CD96: variants seen among roughly 807,000 people sequenced by gnomAD.
The protein encoded by CD96 is CD96 molecule.
Under a neutral mutation model 71.3 loss-of-function variants are expected in CD96, and 70 were observed. The observed-to-expected ratio is 0.98, with a 90% CI of 0.81 to 1.20. CD96 has a LOEUF of 1.20. CD96 is among the 50% of genes most tolerant of loss of function. The probability of loss-of-function intolerance (pLI) is 0.00; values close to 1 mark genes in which losing one functional copy is unlikely to be tolerated. For missense variants in CD96, 742 were observed against 677.5 expected, an observed-to-expected ratio of 1.10 and a Z score of -1.06; for synonymous variants, 248 against 233.0, an observed-to-expected ratio of 1.06 and a Z score of -0.59.
At chr3:111,657,926 G>A (rs753516080) in intron 14 of CD96, among the ~76,000 whole-genome samples, 2 of 152,180 alleles carry the variant, frequency 1.3e-5, no homozygotes, top group Non-Finnish European at 1.5e-5. Flanking sequence ...GCTTGAGCAT[G>A]CATATGTGTT....
intron 5 of CD96, among the ~76,000 whole-genome samples, chr3:111,586,745 G>A (rs1936731928): frequency 6.6e-6 from 1 of 152,078 alleles, no homozygotes; most frequent in Non-Finnish European, 1.5e-5. Context: ...CATGATAACA[G>A]CACAGGAAAG....
intron 11 of CD96, 119 bp downstream of exon 11, chr3:111,637,380 T>C: frequency 1.4e-6 from 1 of 720,332 alleles, no homozygotes; most frequent in South Asian, 1.5e-5. Flanking sequence ...AAAGTACATC[T>C]TGATGATGAA....
chr3:111,622,474 G>T (rs1559761981), intron 8 of CD96, among the ~76,000 whole-genome samples: 1 of 152,116 alleles, frequency 6.6e-6, no homozygotes, highest in African/African-American at 2.4e-5. Flanking sequence ...TTCATTGATA[G>T]GCTGCATTGC....
rs765701422 is a variant in CD96, at chr3:111,649,741, A to G, written c.1645A>G (p.Lys549Glu). ...TTTCAAGCCACCACCACCTCCCATC[A>G]AGTACACTTGCATTCAAGAGCCCAA... ...PPFKPPPPPI[K>E]YTCIQEPNES... Residue 549 changes from lysine (K) to glutamate (E), a missense_variant, in exon 14 of 14, where the codon AAG becomes GAG. Lys to Glu is a moderately conservative substitution (Grantham distance 56, BLOSUM62 1). Coordinates refer to ENST00000352690, the MANE Select transcript of CD96 (RefSeq NM_005816.5). 1.2e-6 allele frequency: 2 copies of G among 1,614,076 alleles called. No individual in the cohort carries two copies. The highest frequency in any genetic ancestry group is 2.2e-5 in the East Asian group (1 of 44,884).
chr3:111,624,978 C>A (rs556128889), intron 10 of CD96, among the ~76,000 whole-genome samples: 1 of 152,136 alleles, frequency 6.6e-6, no homozygotes, highest in Non-Finnish European at 1.5e-5. Flanking sequence ...TATTAGACAA[C>A]GATCAGTGTG....
chr3:111,636,955 T>C (rs1411740385), intron 10 of CD96, among the ~76,000 whole-genome samples: 1 of 152,150 alleles, frequency 6.6e-6, no homozygotes, highest in Non-Finnish European at 1.5e-5. Context: ...TTTCCATATC[T>C]TTTCCTGCTT....
At chr3:111,665,804 CAT>C (rs1400334062), downstream of CD96, 4 of 152,242 alleles carry the variant, frequency 2.6e-5, no homozygotes, top group East Asian at 7.7e-4. Flanking sequence ...AGATCCCACA[CAT>C]GTGGCAGAAC....
chr3:111,657,414 C>CA lies in CD96; in HGVS notation c.*52+7569dup, dbSNP rs71299335. The stretch of plus-strand genomic sequence containing the variant: ...TGGGCAACAGAGTAAGACTCCATTT[C>CA]AAAAAAAAAAAAACCTAATTCAAGT... On this transcript the variant is annotated intron_variant and NMD_transcript_variant, in intron 14 of 14. Transcript: ENST00000494798. Among the ~76,000 whole-genome samples the CA allele has an allele frequency of 5.9e-3, 678 of 114,588 alleles. 3 individuals carry two copies. The highest frequency in any genetic ancestry group is 0.02 in the South Asian group (66 of 3,336). The allele number at this position is 114,588 out of a possible 152,430, so 75.2% of individuals were successfully genotyped here.
Position 111,545,280 on chromosome 3 carries a change from C to T in CD96, c.296C>T (p.Ser99Leu). 6.2e-7 allele frequency: 1 copy of T among 1,613,948 alleles called. No individual in the cohort carries two copies. The highest frequency in any genetic ancestry group is 8.5e-7 in the Non-Finnish European group (1 of 1,179,848). Residue 99 changes from serine to leucine, a missense_variant, in exon 2 of 14, where the codon TCA becomes TTA. By Grantham distance (145) the Ser-to-Leu change is moderately radical. Transcript: ENST00000352690. ...TTCACAGAAACTCCTGAGAATGGGTCAAAATGGACTCTGCACTTAAGGAAT... is the reference window on the plus strand; with the variant it reads ...TTCACAGAAACTCCTGAGAATGGGTTAAAATGGACTCTGCACTTAAGGAAT... ...VTFTETPENG[S>L]KWTLHLRNMS...
Position 111,579,092 on chromosome 3 carries a change from T to G in CD96, c.609T>G (p.Leu203=). ...QNHLISNSTL[L]KDRVKLGTDY... is the part of the protein sequence containing the mutation. ...ACCTCATCAGCAATTCCACATTACTTAAAGATAGAGTCAAGCTTGGTACAG... is the reference window on the plus strand; with the variant it reads ...ACCTCATCAGCAATTCCACATTACTGAAAGATAGAGTCAAGCTTGGTACAG... The change falls in exon 4 of 14, where the codon CTT becomes CTG. Residue 203 remains leucine, a synonymous_variant. Coordinates refer to ENST00000352690, the MANE Select transcript of CD96 (RefSeq NM_005816.5). 6.2e-7 allele frequency: 1 copy of G among 1,607,670 alleles called. No homozygotes were observed. Among genetic ancestry groups the G allele is most frequent in the Non-Finnish European group, 8.5e-7 (1 of 1,174,064 alleles).
At chr3:111,546,619 A>T (rs1170350795) in intron 2 of CD96, among the ~76,000 whole-genome samples, 2 of 152,176 alleles carry the variant, frequency 1.3e-5, no homozygotes, top group Admixed American at 6.6e-5. Context: ...GAAAGCCAAC[A>T]GATGCAAAAT....
At chr3:111,554,265 G>T (rs2107495179) in intron 2 of CD96, among the ~76,000 whole-genome samples, 1 of 151,862 alleles carries the variant, frequency 6.6e-6, no homozygotes, top group Non-Finnish European at 1.5e-5. Flanking sequence ...CTATCTCTAT[G>T]ATGTCCAATA....
In CD96 at chr3:111,593,804, G is replaced by A. The variant is rs572518575; in HGVS notation, c.808-4316G>A. The stretch of plus-strand genomic sequence containing the variant: ...CCTACCCCAGTTACCCTCAATGCCT[G>A]TGGGGAGCTGGGGCCCGTGGGGCCT... On this transcript the variant is annotated intron_variant, in intron 5 of 13. Transcript: ENST00000352690. The A allele has an allele frequency of 3.7e-6, 6 of 1,614,198 alleles. No homozygotes were observed. In the Admixed American group the frequency reaches 5.0e-5, roughly 13 times the overall value.
intron 7 of CD96, among the ~76,000 whole-genome samples, chr3:111,604,347 G>A (rs1473908672): frequency 6.6e-6 from 1 of 152,126 alleles, no homozygotes; most frequent in Admixed American, 6.5e-5. Context: ...TCTGGAAACT[G>A]GCAGAGGTGT....
intron 2 of CD96, among the ~76,000 whole-genome samples, chr3:111,549,175 C>T (rs1201574792): frequency 2.0e-5 from 3 of 152,004 alleles, no homozygotes; most frequent in Admixed American, 1.3e-4. Flanking sequence ...TTCCCCTCCC[C>T]TCCCCTCTCC....
At chr3:111,594,461 C>T in intron 5 of CD96, 1 of 411,488 alleles carries the variant, frequency 2.4e-6, no homozygotes, top group Non-Finnish European at 4.5e-6. Flanking sequence ...CTTATCCTCC[C>T]TTGACTAGGC....
chr3:111,623,763 C>A lies in CD96; in HGVS notation c.1190C>A (p.Ala397Asp). The A allele has an allele frequency of 6.2e-7, 1 of 1,605,606 alleles. No individual in the cohort carries two copies. The highest frequency in any genetic ancestry group is 8.5e-7 in the Non-Finnish European group (1 of 1,172,250). The change falls in exon 9 of 14, where the codon GCT becomes GAT. Residue 397 changes from alanine (A) to aspartate (D), a missense_variant. Coordinates refer to ENST00000352690, the MANE Select transcript of CD96 (RefSeq NM_005816.5). ...ASSVSPARYP[A>D]TSSVTLVDVS... ...TTTATTTTCAAAATAGGATATCCAG[C>A]TACATCTTCAGTGACCCTTGTAGAT...
At chr3:111,638,557 C>A (rs1482080762) in intron 12 of CD96, among the ~76,000 whole-genome samples, 2 of 152,160 alleles carry the variant, frequency 1.3e-5, no homozygotes, top group African/African-American at 4.8e-5. Context: ...AGAAAGAAAT[C>A]ATTGGAACAA....
downstream of CD96, among the ~76,000 whole-genome samples, chr3:111,654,144 G>A (rs960917818): frequency 1.4e-4 from 22 of 152,138 alleles, no homozygotes; most frequent in Admixed American, 9.2e-4. Context: ...TCTCTGAGAC[G>A]AGGGCTGAAA....
Sources: gnomAD v4.1 joint callset for allele counts (sites outside exome capture counted in the v4.1 genomes callset) on GRCh38, gnomAD v4.1.1 for gene constraint, MANE v1.5 for transcripts, NCBI Gene and HGNC (gene_info 2026-07-23, HGNC 2026-07-21) for gene names.